Variants in KIF26B observed in about 807,000 individuals in gnomAD.
KIF26B encodes kinesin family member 26B, also known as kinesin-like protein KIF26B.
KIF26B carries 63 observed loss-of-function variants against 151.2 expected under a neutral mutation model. The observed-to-expected ratio is 0.42, with a 90% CI of 0.34 to 0.51. The LOEUF (loss-of-function observed/expected upper bound fraction) is 0.51. KIF26B is among the 20% of genes least tolerant of loss of function. The probability of loss-of-function intolerance (pLI) is 0.07; values close to 1 mark genes in which losing one functional copy is unlikely to be tolerated. For synonymous variants in KIF26B, 1,357 were observed against 1,262.1 expected, an observed-to-expected ratio of 1.08 and a Z score of -1.59; for missense variants, 2,813 against 2,913.6, an observed-to-expected ratio of 0.97 and a Z score of 0.79.
intron 2 of KIF26B, among the ~76,000 whole-genome samples, chr1:245,336,053 G>A (rs1558393455): frequency 5.7e-5 from 6 of 105,942 alleles, no homozygotes; most frequent in Non-Finnish European, 1.1e-4. Flanking sequence ...GTCCCACGCA[G>A]GGAAAGGAGA....
rs998730498 is a variant in KIF26B at position 245,229,408 on chromosome 1, C to A, written c.465+72725C>A. ...TCTCTGCCTGGAGTGATGAGGGTAC[C>A]ATTTCTAAAAGAGGTACATTGTAGT... On this transcript the variant is annotated intron_variant, in intron 2 of 14. Transcript: ENST00000407071. Among the ~76,000 whole-genome samples the A allele has an allele frequency of 3.3e-5, 5 of 152,206 alleles. No homozygotes were observed. The East Asian group carries it at 9.7e-4, about 29-fold the overall frequency.
At chr1:245,335,889 C>G (rs939256516) in intron 2 of KIF26B, among the ~76,000 whole-genome samples, 1 of 146,550 alleles carries the variant, frequency 6.8e-6, no homozygotes, top group African/African-American at 2.5e-5. Context: ...AAGGAGGGTC[C>G]CACGCAGGGA....
rs142431809 is a variant in KIF26B at position 245,598,135 on chromosome 1, A to G, written c.1351-4442A>G. 3.2e-4 allele frequency among the ~76,000 whole-genome samples: 49 copies of G among 152,094 alleles called. No individual in the cohort carries two copies. In the Middle Eastern group the frequency reaches 0.01, roughly 32 times the overall value. ...ATCAGAAGAGGCCAGTGGTGAATTA[A>G]CTCTGTAGCCTAGAACCTTGTAGGG... On this transcript the variant is annotated intron_variant, in intron 5 of 14. Coordinates refer to ENST00000407071, the MANE Select transcript of KIF26B (RefSeq NM_018012.4).
At chr1:245,198,533 C>T (rs1357948905) in intron 2 of KIF26B, among the ~76,000 whole-genome samples, 4 of 152,080 alleles carry the variant, frequency 2.6e-5, no homozygotes, top group Admixed American at 2.0e-4. Context: ...ACCAGCCTGG[C>T]CAACATGGCA....
At chr1:245,523,365 G>C (rs1369816784) in intron 4 of KIF26B, among the ~76,000 whole-genome samples, 5 of 152,128 alleles carry the variant, frequency 3.3e-5, no homozygotes, top group Admixed American at 1.3e-4. Flanking sequence ...CAGCTTAAAA[G>C]TGCCCTTGAG....
At chr1:245,660,587 C>T (rs2044125564) in intron 10 of KIF26B, among the ~76,000 whole-genome samples, 1 of 152,016 alleles carries the variant, frequency 6.6e-6, no homozygotes, top group Non-Finnish European at 1.5e-5. Flanking sequence ...GTGATCCTCC[C>T]ATCTTGGCCT....
intron 4 of KIF26B, among the ~76,000 whole-genome samples, chr1:245,455,916 C>T (rs1394441121): frequency 6.6e-6 from 1 of 152,152 alleles, no homozygotes; most frequent in Non-Finnish European, 1.5e-5. Context: ...TGAAGAGCCA[C>T]TTCTAGATCT....
At chr1:245,649,309 C>G (rs1360301817) in intron 10 of KIF26B, among the ~76,000 whole-genome samples, 2 of 152,198 alleles carry the variant, frequency 1.3e-5, no homozygotes, top group Non-Finnish European at 2.9e-5. Context: ...GTGGCAGGAT[C>G]AAACTGCCTC....
chr1:245,484,298 T>C (rs140997822), intron 4 of KIF26B, among the ~76,000 whole-genome samples: 2 of 152,020 alleles, frequency 1.3e-5, no homozygotes, highest in African/African-American at 4.8e-5. Context: ...CCATTATGTA[T>C]CTGTGTTCTC....
At chr1:245,543,724 C>T (rs916442910) in intron 5 of KIF26B, among the ~76,000 whole-genome samples, 2 of 152,060 alleles carry the variant, frequency 1.3e-5, no homozygotes, top group African/African-American at 2.4e-5. Context: ...CCGAGGCGGG[C>T]GGATCACGAG....
intron 2 of KIF26B, among the ~76,000 whole-genome samples, chr1:245,197,696 A>G (rs917286018): frequency 6.6e-6 from 1 of 152,212 alleles, no homozygotes; most frequent in Admixed American, 6.5e-5. Context: ...ATAGGACAGA[A>G]GAAGATAGAG....
intron 5 of KIF26B, among the ~76,000 whole-genome samples, chr1:245,593,032 G>A (rs1207820838): frequency 6.6e-6 from 1 of 151,978 alleles, no homozygotes; most frequent in Non-Finnish European, 1.5e-5. Flanking sequence ...TGACTCTTTG[G>A]TACCCCAAAA....
At chr1:245,693,768 G>T (rs570231031) in intron 12 of KIF26B, among the ~76,000 whole-genome samples, 39 of 152,218 alleles carry the variant, frequency 2.6e-4, no homozygotes, top group African/African-American at 6.7e-4. Flanking sequence ...TATTCGTTTG[G>T]TTCTCAGGCA....
chr1:245,607,977 CAG>C (rs2043475291), intron 7 of KIF26B, among the ~76,000 whole-genome samples: 1 of 152,204 alleles, frequency 6.6e-6, no homozygotes, highest in Non-Finnish European at 1.5e-5. Flanking sequence ...AGAGAAGTAG[CAG>C]AGTTGTTCCC....
intron 5 of KIF26B, among the ~76,000 whole-genome samples, chr1:245,600,317 C>A (rs188994121): frequency 3.5e-5 from 5 of 144,286 alleles, no homozygotes; most frequent in Admixed American, 2.8e-4. Context: ...GGATTACAGG[C>A]GTGAGCCACC....
intron 4 of KIF26B, among the ~76,000 whole-genome samples, chr1:245,523,724 A>G (rs1661181415): frequency 6.6e-6 from 1 of 152,206 alleles, no homozygotes; most frequent in Non-Finnish European, 1.5e-5. Context: ...TAAATGCCCC[A>G]TCTCCAAATA....
chr1:245,433,390 C>A (rs1228233381), intron 4 of KIF26B, among the ~76,000 whole-genome samples: 2 of 151,154 alleles, frequency 1.3e-5, no homozygotes, highest in East Asian at 3.9e-4. Context: ...TCGCTTGAAC[C>A]TGGGAGGTGG....
intron 4 of KIF26B, among the ~76,000 whole-genome samples, chr1:245,455,087 C>A (rs1269535850): frequency 2.0e-5 from 3 of 152,172 alleles, no homozygotes; most frequent in Non-Finnish European, 4.4e-5. Flanking sequence ...CTGTTGTTTG[C>A]GCCTCTGCAG....
At chr1:245,240,196 C>T (rs1228905668) in intron 2 of KIF26B, among the ~76,000 whole-genome samples, 1 of 152,064 alleles carries the variant, frequency 6.6e-6, no homozygotes, top group Admixed American at 6.6e-5. Flanking sequence ...GTGAAAACCA[C>T]GTGGTCTTTC....
Sources: allele counts gnomAD v4.1 joint callset (sites outside exome capture counted in the v4.1 genomes callset), GRCh38; gene constraint gnomAD v4.1.1; transcripts MANE v1.5; gene names NCBI Gene and HGNC (gene_info 2026-07-23, HGNC 2026-07-21).